The following PPP2R3A variants were observed in gnomAD, a reference collection of about 807,000 sequenced individuals.
PPP2R3A encodes the protein serine/threonine-protein phosphatase 2A regulatory subunit B'' subunit alpha.
In PPP2R3A, 80 loss-of-function variants were observed where a neutral mutation model predicts 106.9. The observed-to-expected ratio is 0.75, with a 90% CI of 0.62 to 0.90. The LOEUF is 0.90. Among genes scored for constraint, PPP2R3A ranks in the 40% least tolerant of loss-of-function variants. The pLI, the probability that PPP2R3A is intolerant of heterozygous loss-of-function variation, is 0.00. For missense variants in PPP2R3A, 1,386 were observed against 1,350.4 expected, an observed-to-expected ratio of 1.03 and a Z score of -0.41; for synonymous variants, 483 against 468.3, an observed-to-expected ratio of 1.03 and a Z score of -0.41.
At chr3:136,137,533 G>GGTT (rs1559941176) in intron 13 of PPP2R3A, among the ~76,000 whole-genome samples, 1 of 38,442 alleles carries the variant, frequency 2.6e-5, no homozygotes, top group Non-Finnish European at 6.0e-5. Flanking sequence ...CTCTGTCAGA[G>GGTT]ATTTTTTTTT....
chr3:136,102,848 G>A (rs767761453), intron 11 of PPP2R3A, among the ~76,000 whole-genome samples: 11 of 151,998 alleles, frequency 7.2e-5, no homozygotes, highest in African/African-American at 1.9e-4. Flanking sequence ...AAATGAAAGC[G>A]GGGTTTGGGG....
chr3:136,129,598 G>A (rs1320847668), intron 13 of PPP2R3A, among the ~76,000 whole-genome samples: 1 of 152,130 alleles, frequency 6.6e-6, no homozygotes, highest in Non-Finnish European at 1.5e-5. Context: ...ACAAAGAGGA[G>A]CTGGTACCAT....
chr3:136,132,002 G>C (rs1938441976), intron 13 of PPP2R3A, among the ~76,000 whole-genome samples: 2 of 149,008 alleles, frequency 1.3e-5, no homozygotes, highest in South Asian at 4.4e-4. Flanking sequence ...TCACACACCA[G>C]GGCCTGTCAG....
chr3:135,969,677 C>T (rs1937186974), intron 1 of PPP2R3A, among the ~76,000 whole-genome samples: 1 of 152,158 alleles, frequency 6.6e-6, no homozygotes, highest in Non-Finnish European at 1.5e-5. Flanking sequence ...AAAGCAGTAG[C>T]CTACAGCTGA....
chr3:136,049,174 T>C, intron 4 of PPP2R3A, 85 bp from the exon 5 acceptor site: 1 of 1,012,080 alleles, frequency 9.9e-7, no homozygotes, highest in South Asian at 1.5e-5. Flanking sequence ...GGCCTTCAGA[T>C]CAAACTGAAA....
rs373911147 is a variant in PPP2R3A, at chr3:136,073,257, G to A, written c.2544+2705G>A. On this transcript the variant is annotated intron_variant, in intron 6 of 13. Coordinates refer to ENST00000264977, the MANE Select transcript of PPP2R3A (RefSeq NM_002718.5). ...GCTGGGATTACAGGCATGAGCCACC[G>A]CACCCAGCCATCCCCAGGAAGTTTT... Among the ~76,000 whole-genome samples the A allele has an allele frequency of 9.9e-5, 15 of 152,266 alleles. No homozygotes were observed. The East Asian group carries it at 1.7e-3, about 18-fold the overall frequency.
chr3:136,112,430 T>A (rs1229094985), intron 13 of PPP2R3A, among the ~76,000 whole-genome samples: 2 of 152,066 alleles, frequency 1.3e-5, no homozygotes, highest in Non-Finnish European at 2.9e-5. Flanking sequence ...GATAAACGAC[T>A]TCAGTAAGGT....
At chr3:136,007,982 A>G (rs1933906199) in intron 2 of PPP2R3A, among the ~76,000 whole-genome samples, 1 of 149,600 alleles carries the variant, frequency 6.7e-6, no homozygotes, top group Non-Finnish European at 1.5e-5. Flanking sequence ...TGTATTTGAG[A>G]TTTCATTCCA....
intron 13 of PPP2R3A, among the ~76,000 whole-genome samples, chr3:136,128,676 C>T (rs1467567982): frequency 6.6e-6 from 1 of 152,198 alleles, no homozygotes; most frequent in East Asian, 1.9e-4. Context: ...ACCTAATAGA[C>T]ATCTACAGAA....
At chr3:136,086,396 C>G (rs184655080) in intron 8 of PPP2R3A, among the ~76,000 whole-genome samples, 2 of 151,866 alleles carry the variant, frequency 1.3e-5, no homozygotes, top group African/African-American at 4.8e-5. Flanking sequence ...GCAGGAGAAC[C>G]GCTTGAACCC....
chr3:135,977,117 G>A lies in PPP2R3A; in HGVS notation c.-441+11268G>A, dbSNP rs571402233. Reference sequence around the variant, plus strand: ...TATATTTAAAATTAAATATTAAATAGCTATAGTAGAATATTTGTAAAACAT... The same window carrying A: ...TATATTTAAAATTAAATATTAAATAACTATAGTAGAATATTTGTAAAACAT... On this transcript the variant is annotated intron_variant, in intron 1 of 13. Coordinates refer to ENST00000264977, the MANE Select transcript of PPP2R3A (RefSeq NM_002718.5). 3.9e-5 allele frequency among the ~76,000 whole-genome samples: 6 copies of A among 152,020 alleles called. No homozygotes were observed. In the East Asian group the frequency reaches 7.7e-4, roughly 20 times the overall value.
intron 1 of PPP2R3A, among the ~76,000 whole-genome samples, chr3:136,000,732 G>A (rs1933592050): frequency 6.6e-6 from 1 of 152,162 alleles, no homozygotes; most frequent in Non-Finnish European, 1.5e-5. Flanking sequence ...TGATCCATGA[G>A]GAAATCAGAA....
At chr3:136,139,180 C>T (rs1170296481) in intron 13 of PPP2R3A, among the ~76,000 whole-genome samples, 1 of 152,146 alleles carries the variant, frequency 6.6e-6, no homozygotes, top group Non-Finnish European at 1.5e-5. Flanking sequence ...TGCATACAAT[C>T]CTTTGTCAAA....
intron 3 of PPP2R3A, among the ~76,000 whole-genome samples, chr3:136,036,153 G>A (rs991757445): frequency 2.0e-5 from 3 of 151,898 alleles, no homozygotes; most frequent in Non-Finnish European, 2.9e-5. Flanking sequence ...CTTACATTGG[G>A]CTTTGCCTTT....
At chr3:136,140,442 TAAA>T (rs199699500) in intron 13 of PPP2R3A, among the ~76,000 whole-genome samples, 17 of 87,238 alleles carry the variant, frequency 1.9e-4, no homozygotes, top group South Asian at 3.5e-4. Context: ...TGAGACTCTT[TAAA>T]AAAAAAAAAA....
At chr3:136,137,508 A>C (rs1268164866) in intron 13 of PPP2R3A, among the ~76,000 whole-genome samples, 1 of 140,102 alleles carries the variant, frequency 7.1e-6, no homozygotes, top group Non-Finnish European at 1.5e-5. Flanking sequence ...CTTTATATTA[A>C]AAATATATGA....
intron 1 of PPP2R3A, among the ~76,000 whole-genome samples, chr3:135,981,560 T>C (rs1325633386): frequency 2.0e-5 from 3 of 151,814 alleles, no homozygotes; most frequent in African/African-American, 4.9e-5. Context: ...CCTTCCTCCT[T>C]TCTTCCTTCT....
chr3:136,141,276 T>C (rs1160474555), intron 13 of PPP2R3A, among the ~76,000 whole-genome samples: 5 of 152,178 alleles, frequency 3.3e-5, no homozygotes, highest in African/African-American at 1.2e-4. Context: ...AAAAATGTCC[T>C]AGGCAGGGAG....
At chr3:136,047,688 T>C (rs1003788357) in intron 4 of PPP2R3A, among the ~76,000 whole-genome samples, 3 of 151,804 alleles carry the variant, frequency 2.0e-5, no homozygotes, top group African/African-American at 7.3e-5. Flanking sequence ...GATCACGAGG[T>C]CAGGAGATCG....
Sources: allele counts gnomAD v4.1 joint callset (sites outside exome capture counted in the v4.1 genomes callset), GRCh38; gene constraint gnomAD v4.1.1; transcripts MANE v1.5; gene names NCBI Gene and HGNC (gene_info 2026-07-23, HGNC 2026-07-21).